Variants in GSE1 observed in about 807,000 individuals in gnomAD.
The protein encoded by GSE1 is Gse1 coiled-coil protein.
A neutral mutation model predicts 112.6 loss-of-function variants in GSE1; 32 were observed. The ratio of observed to expected loss-of-function variants is 0.28; its 90% CI spans 0.21 to 0.38. The LOEUF (loss-of-function observed/expected upper bound fraction) is 0.38, where lower values mean the gene tolerates loss of function less well. Among genes scored for constraint, GSE1 ranks in the 10% least tolerant of loss-of-function variants. GSE1 has a pLI of 1.00. For synonymous variants in GSE1, 1,115 were observed against 735.6 expected, an observed-to-expected ratio of 1.52 and a Z score of -8.35; for missense variants, 2,348 against 1,699.2, an observed-to-expected ratio of 1.38 and a Z score of -6.71.
At chr16:85,314,530 A>G (rs531008876) in intron 1 of GSE1, among the ~76,000 whole-genome samples, 1 of 152,082 alleles carries the variant, frequency 6.6e-6, no homozygotes, top group African/African-American at 2.4e-5. Context: ...ACGTGTGTGC[A>G]CACATGCATG....
exon 1 of GSE1, chr16:85,171,260 C>G (rs1176293098): frequency 1.0e-6 from 1 of 985,508 alleles, no homozygotes; most frequent in Admixed American, 6.1e-5. Context: ...CCTGCCCTCT[C>G]CGAGCTGCCG....
chr16:85,369,956 G>C (rs983307277), intron 2 of GSE1, among the ~76,000 whole-genome samples: 1 of 152,344 alleles, frequency 6.6e-6, no homozygotes, highest in Admixed American at 6.5e-5. Context: ...CCCCGGGTCA[G>C]TCCCCTCCTT....
intron 2 of GSE1, among the ~76,000 whole-genome samples, chr16:85,532,557 T>A (rs2151186288): frequency 6.6e-6 from 1 of 152,322 alleles, no homozygotes; most frequent in South Asian, 2.1e-4. Context: ...CCACCACGTC[T>A]GGCCTAGCGC....
intron 1 of GSE1, among the ~76,000 whole-genome samples, chr16:85,209,623 C>T (rs767982907): frequency 1.2e-4 from 18 of 152,226 alleles, no homozygotes; most frequent in Non-Finnish European, 2.6e-4. Context: ...GCCCAAGGGT[C>T]ACGCAAGGCC....
intron 1 of GSE1, among the ~76,000 whole-genome samples, chr16:85,564,311 A>G (rs1338828427): frequency 6.6e-6 from 1 of 152,140 alleles, no homozygotes; most frequent in East Asian, 1.9e-4. Flanking sequence ...TGCTCTTACA[A>G]GACTCAGCAC....
chr16:85,270,246 GA>G (rs1230662490), intron 1 of GSE1, among the ~76,000 whole-genome samples: 2 of 148,912 alleles, frequency 1.3e-5, no homozygotes, highest in East Asian at 3.9e-4. Flanking sequence ...GGTCTCTGGG[GA>G]CAAAACAGAA....
intron 1 of GSE1, among the ~76,000 whole-genome samples, chr16:85,614,477 T>G (rs2048240050): frequency 6.6e-6 from 1 of 151,676 alleles, no homozygotes; most frequent in Non-Finnish European, 1.5e-5. Flanking sequence ...AAATGTGCGG[T>G]GGAGACTCGA....
intron 1 of GSE1, among the ~76,000 whole-genome samples, chr16:85,604,699 C>T (rs1326479088): frequency 5.0e-5 from 4 of 80,740 alleles, no homozygotes; most frequent in Middle Eastern, 0.012. Flanking sequence ...GAGCTATGAT[C>T]GCACTACCGC....
chr16:85,293,505 C>G (rs2045280898), intron 1 of GSE1, among the ~76,000 whole-genome samples: 1 of 152,074 alleles, frequency 6.6e-6, no homozygotes, highest in African/African-American at 2.4e-5. Context: ...GAGATTGAGC[C>G]CCTGCATTCC....
intron 2 of GSE1, among the ~76,000 whole-genome samples, chr16:85,435,731 C>T (rs181772187): frequency 0.011 from 314 of 28,814 alleles, no homozygotes; most frequent in South Asian, 0.055. Flanking sequence ...CTCCTGACGT[C>T]TCCACGCAGC....
In GSE1 at chr16:85,419,792, A is replaced by T. The variant is rs1267264795; in HGVS notation, c.2464+62149A>T. On this transcript the variant is annotated intron_variant, in intron 2 of 2. Coordinates refer to the GSE1 transcript ENST00000637419. The surrounding 1 kb of genome is among the most constrained non-coding windows in gnomAD (Gnocchi z 6.5). The stretch of plus-strand genomic sequence containing the variant: ...CCCACCCCTCCAAGACTCTGATGGA[A>T]ATGGTCCGAGTAGGGCTTCTGCAGG... Among the ~76,000 whole-genome samples the T allele has an allele frequency of 1.3e-5, 2 of 150,230 alleles. No individual in the cohort carries two copies. The highest frequency in any genetic ancestry group is 3.0e-5 in the Non-Finnish European group (2 of 67,474).
intron 1 of GSE1, among the ~76,000 whole-genome samples, chr16:85,241,204 C>T (rs1317240232): frequency 6.6e-6 from 1 of 151,594 alleles, no homozygotes; most frequent in Non-Finnish European, 1.5e-5. Context: ...AGACCTTGGG[C>T]TCGTTGCTTC....
At chr16:85,607,962 C>T (rs1334598228), upstream of GSE1, among the ~76,000 whole-genome samples, 2 of 152,102 alleles carry the variant, frequency 1.3e-5, no homozygotes, top group Non-Finnish European at 2.9e-5. Flanking sequence ...GACCTTGGCT[C>T]CGTAAGGGGA....
In GSE1 at chr16:85,567,558, A is replaced by G. The variant is rs184126436; in HGVS notation, c.37+11195A>G. ...AGTGTGGCATGAGCTTCCTCAAAAC[A>G]TGGCGGCCCCAGAGCTCCGAAGGCA... On this transcript the variant is annotated intron_variant, in intron 1 of 2. Transcript: ENST00000635906. Among the ~76,000 whole-genome samples the G allele has an allele frequency of 5.3e-3, 802 of 152,240 alleles. 33 individuals are homozygous for G. In the East Asian group the frequency reaches 0.12, roughly 23 times the overall value.
chr16:85,539,447 G>A (rs1274150029), intron 2 of GSE1, among the ~76,000 whole-genome samples: 1 of 152,168 alleles, frequency 6.6e-6, no homozygotes, highest in East Asian at 1.9e-4. Flanking sequence ...CTAATTGCAG[G>A]CACCAAAATT....
intron 2 of GSE1, among the ~76,000 whole-genome samples, chr16:85,472,262 A>G (rs1403606855): frequency 6.6e-6 from 1 of 152,178 alleles, no homozygotes; most frequent in Non-Finnish European, 1.5e-5. Context: ...TGATAGCTTT[A>G]CAGACCAGGA....
chr16:85,296,803 C>A (rs1416245285), intron 1 of GSE1, among the ~76,000 whole-genome samples: 1 of 150,804 alleles, frequency 6.6e-6, no homozygotes, highest in Non-Finnish European at 1.5e-5. Context: ...GAGGAAGGGA[C>A]TGTCACTTGC....
At chr16:85,199,389 G>T (rs1390560755) in intron 1 of GSE1, among the ~76,000 whole-genome samples, 1 of 152,184 alleles carries the variant, frequency 6.6e-6, no homozygotes, top group Non-Finnish European at 1.5e-5. Flanking sequence ...CCTGGCTGTG[G>T]GGTTTCTTCT....
chr16:85,654,963 C>G lies in GSE1; in HGVS notation c.769C>G (p.Pro257Ala). Reference protein sequence around the residue: ...AAYYHPSYLAPHPFPHPAFRM... With the variant: ...AAYYHPSYLAAHPFPHPAFRM... ...CTACTACCACCCCAGCTACCTGGCC[C>G]CACACCCCTTCCCCCACCCGGCCTT... The change falls in exon 5 of 16, where the codon CCA becomes GCA. Residue 257 changes from proline to alanine, a missense_variant. Physicochemically the swap from Pro to Ala is conservative, Grantham distance 27 (BLOSUM62 -1). Coordinates refer to ENST00000253458, the MANE Select transcript of GSE1 (RefSeq NM_014615.5). The G allele has an allele frequency of 6.2e-7, 1 of 1,605,478 alleles. No individual in the cohort carries two copies. Among genetic ancestry groups the G allele is most frequent in the Non-Finnish European group, 8.5e-7 (1 of 1,177,208 alleles).
Sources: allele counts gnomAD v4.1 joint callset (sites outside exome capture counted in the v4.1 genomes callset), GRCh38; gene constraint gnomAD v4.1.1; non-coding constraint Gnocchi (gnomAD v3.1); transcripts MANE v1.5; gene names NCBI Gene and HGNC (gene_info 2026-07-23, HGNC 2026-07-21).